The following CCDC171 variants were observed in gnomAD, a reference collection of about 807,000 sequenced individuals.
CCDC171 encodes coiled-coil domain-containing protein 171.
In CCDC171, 177 loss-of-function variants were observed where a neutral mutation model predicts 168.2. That is an observed-to-expected ratio of 1.05 (90% confidence interval 0.93 to 1.19). The LOEUF is 1.19. Among genes scored for constraint, CCDC171 ranks in the 50% most tolerant of loss-of-function variants. The probability of loss-of-function intolerance (pLI) is 0.00; values close to 1 mark genes in which losing one functional copy is unlikely to be tolerated. For missense variants in CCDC171, 1,991 were observed against 1,539.0 expected, an observed-to-expected ratio of 1.29 and a Z score of -4.91; for synonymous variants, 687 against 540.8, an observed-to-expected ratio of 1.27 and a Z score of -3.75.
chr9:15,771,511 G>C (rs996397386), intron 18 of CCDC171, among the ~76,000 whole-genome samples: 29 of 152,062 alleles, frequency 1.9e-4, no homozygotes, highest in African/African-American at 5.8e-4. Flanking sequence ...CATATTTGGG[G>C]GTGTGTGTTT....
chr9:15,617,870 C>T (rs1276888007), intron 6 of CCDC171, among the ~76,000 whole-genome samples: 2 of 152,158 alleles, frequency 1.3e-5, no homozygotes, highest in African/African-American at 2.4e-5. Flanking sequence ...CCTGCTCCTT[C>T]CTCCGGAAGC....
chr9:15,774,169 C>A (rs1424643878), intron 18 of CCDC171, among the ~76,000 whole-genome samples: 1 of 143,760 alleles, frequency 7.0e-6, no homozygotes, highest in African/African-American at 2.6e-5. Flanking sequence ...TCACTTGAAC[C>A]CAGGTGGCAT....
intron 24 of CCDC171, among the ~76,000 whole-genome samples, chr9:15,899,274 A>G (rs191339706): frequency 5.9e-5 from 9 of 152,308 alleles, no homozygotes; most frequent in Non-Finnish European, 8.8e-5. Flanking sequence ...GATTTCGGCT[A>G]TTACATATAA....
intron 7 of CCDC171, among the ~76,000 whole-genome samples, chr9:15,626,743 A>G (rs890537936): frequency 6.6e-6 from 1 of 152,192 alleles, no homozygotes; most frequent in Non-Finnish European, 1.5e-5. Flanking sequence ...TTTTTGCATC[A>G]ATGTTCATCA....
rs34362388 is a variant in CCDC171 at position 15,954,151 on chromosome 9, C to CTT, written c.3754-17446_3754-17445dup. ...TTCATTGATTTCCTCTACTTACTTT[C>CTT]TTTTTTTTTTTTTAGTCTTTATTTT... On this transcript the variant is annotated intron_variant, in intron 25 of 25. Transcript: ENST00000380701. Among the ~76,000 whole-genome samples the CTT allele has an allele frequency of 8.3e-4, 117 of 140,764 alleles. No homozygotes were observed. The Middle Eastern group carries it at 0.015, about 18-fold the overall frequency. The allele number at this position is 140,764 out of a possible 152,430, so 92.3% of individuals were successfully genotyped here. A position where few individuals can be genotyped will look rare whatever the true frequency, so the allele number is the denominator to read the frequency against.
chr9:15,669,382 T>C (rs951410316), intron 9 of CCDC171, among the ~76,000 whole-genome samples: 1 of 152,214 alleles, frequency 6.6e-6, no homozygotes, highest in African/African-American at 2.4e-5. Context: ...GTATGTGTGA[T>C]ATTTTTATAC....
the CCDC171 span, among the ~76,000 whole-genome samples, chr9:16,092,742 C>A: frequency 6.6e-6 from 1 of 152,200 alleles, no homozygotes; most frequent in Non-Finnish European, 1.5e-5. Context: ...ACCCTGGGCT[C>A]ACCTTTGGCA....
chr9:15,928,184 A>G (rs16933814), intron 25 of CCDC171, among the ~76,000 whole-genome samples: 7,113 of 151,758 alleles, frequency 0.047, 356 homozygotes, highest in South Asian at 0.13. Flanking sequence ...GATATAGTGG[A>G]GAATACAACC....
chr9:15,997,287 G>A (rs994096058), intron 3 of CCDC171, among the ~76,000 whole-genome samples: 1 of 152,164 alleles, frequency 6.6e-6, no homozygotes. Flanking sequence ...CCTGTTTGGG[G>A]CAGAAATGGC....
chr9:15,964,558 A>G (rs1830621827), intron 25 of CCDC171, among the ~76,000 whole-genome samples: 1 of 152,124 alleles, frequency 6.6e-6, no homozygotes, highest in Non-Finnish European at 1.5e-5. Context: ...TCAGCAACAG[A>G]CTGCAAGCAC....
chr9:15,692,316 T>C (rs1371316137), intron 10 of CCDC171, among the ~76,000 whole-genome samples: 1 of 151,766 alleles, frequency 6.6e-6, no homozygotes, highest in Non-Finnish European at 1.5e-5. Flanking sequence ...GAGGTTGCAC[T>C]GAGCCGAGAT....
chr9:16,011,625 T>G, intron 3 of CCDC171, among the ~76,000 whole-genome samples: 1 of 152,142 alleles, frequency 6.6e-6, no homozygotes, highest in East Asian at 1.9e-4. Context: ...TTTTCTGTGT[T>G]AAAAATAGTG....
intron 7 of CCDC171, among the ~76,000 whole-genome samples, chr9:15,627,207 TTTC>T (rs2045218979): frequency 6.6e-6 from 1 of 152,146 alleles, no homozygotes; most frequent in African/African-American, 2.4e-5. Context: ...TCTTCTCTCT[TTTC>T]TTCTTTATTA....
chr9:15,684,958 C>T (rs1394922344), intron 10 of CCDC171, among the ~76,000 whole-genome samples: 1 of 152,120 alleles, frequency 6.6e-6, no homozygotes, highest in Non-Finnish European at 1.5e-5. Context: ...AGTAAATGTT[C>T]ACCTAAACAT....
intron 10 of CCDC171, among the ~76,000 whole-genome samples, chr9:15,679,350 G>A (rs960440634): frequency 6.6e-6 from 1 of 152,076 alleles, no homozygotes; most frequent in Non-Finnish European, 1.5e-5. Flanking sequence ...ATCTGTTTTT[G>A]TTAACCTCTC....
intron 7 of CCDC171, among the ~76,000 whole-genome samples, chr9:15,634,306 A>G (rs1433940430): frequency 2.6e-5 from 4 of 152,308 alleles, no homozygotes; most frequent in Admixed American, 2.0e-4. Flanking sequence ...ATTTTTAAAC[A>G]TTACAATCTA....
At position 15,917,416 on chromosome 9, in the gene CCDC171, T is replaced by C. The variant is rs188112012; in HGVS notation, c.3601-2854T>C. Among the ~76,000 whole-genome samples, 272 of 151,918 alleles carry C rather than the reference T, an allele frequency of 1.8e-3. 2 individuals carry two copies. The highest frequency in any genetic ancestry group is 5.8e-3 in the African/African-American group (239 of 41,552). ...AATTTTATTTTGTCTCTCAAAATAC[T>C]ACTTTAAGAGAGTTGGAATGTTTAA... On this transcript the variant is annotated intron_variant, in intron 24 of 25. Coordinates refer to ENST00000380701, the MANE Select transcript of CCDC171 (RefSeq NM_173550.4).
At chr9:15,619,114 T>C (rs1046953555) in intron 6 of CCDC171, among the ~76,000 whole-genome samples, 1 of 151,988 alleles carries the variant, frequency 6.6e-6, no homozygotes, top group African/African-American at 2.4e-5. Context: ...CAACTCTCCC[T>C]CTCGTCTGGC....
intron 24 of CCDC171, among the ~76,000 whole-genome samples, chr9:15,911,557 C>T (rs1823640462): frequency 6.6e-6 from 1 of 152,082 alleles, no homozygotes; most frequent in South Asian, 2.1e-4. Flanking sequence ...TTAATTAGAC[C>T]CCATTTGTCA....
Sources: gnomAD v4.1 joint callset for allele counts (sites outside exome capture counted in the v4.1 genomes callset) on GRCh38, gnomAD v4.1.1 for gene constraint, MANE v1.5 for transcripts, NCBI Gene and HGNC (gene_info 2026-07-23, HGNC 2026-07-21) for gene names.